SYN3: variants seen among roughly 807,000 people sequenced by gnomAD.
The protein encoded by SYN3 is synapsin III.
In SYN3, 35 loss-of-function variants were observed where a neutral mutation model predicts 65.8. The ratio of observed to expected loss-of-function variants is 0.53; its 90% CI spans 0.41 to 0.70. SYN3 has a LOEUF of 0.70. Ranked by LOEUF, SYN3 falls within the 30% of genes least tolerant of loss-of-function variation. The pLI, the probability that SYN3 is intolerant of heterozygous loss-of-function variation, is 0.00. For synonymous variants in SYN3, 270 were observed against 292.9 expected (o/e 0.92, Z 0.80); for missense variants, 680 against 749.0 (o/e 0.91, Z 1.08).
chr22:32,991,254 C>G (rs139427433), intron 2 of SYN3, among the ~76,000 whole-genome samples: 1 of 151,294 alleles, frequency 6.6e-6, no homozygotes, highest in Non-Finnish European at 1.5e-5. Context: ...AGGAGAATAG[C>G]TTGAACTCGG....
chr22:32,751,978 A>C (rs548998510), intron 6 of SYN3, among the ~76,000 whole-genome samples: 1 of 152,204 alleles, frequency 6.6e-6, no homozygotes, highest in Non-Finnish European at 1.5e-5. Flanking sequence ...TGCATACTAC[A>C]TATTCTCTAG....
intron 4 of SYN3, among the ~76,000 whole-genome samples, chr22:32,930,814 T>C (rs752402929): frequency 4.6e-5 from 7 of 152,340 alleles, no homozygotes; most frequent in Admixed American, 6.5e-5. Flanking sequence ...CTTGTCATTT[T>C]TGGCTTCTGA....
intron 8 of SYN3, 23 bp from the exon 9 acceptor site, chr22:32,538,133 T>C (rs771173979): frequency 6.2e-6 from 10 of 1,611,122 alleles, no homozygotes; most frequent in Non-Finnish European, 3.4e-6. Flanking sequence ...AAACAACACA[T>C]TGAGGGAATT....
chr22:32,866,007 G>A (rs902294278), intron 5 of SYN3, among the ~76,000 whole-genome samples: 7 of 152,200 alleles, frequency 4.6e-5, no homozygotes, highest in African/African-American at 1.4e-4. Context: ...TCAGTTGCAG[G>A]TGATGATGAG....
chr22:33,015,927 C>G (rs960831257), intron 1 of SYN3, among the ~76,000 whole-genome samples: 3 of 151,606 alleles, frequency 2.0e-5, no homozygotes, highest in Non-Finnish European at 4.4e-5. Context: ...CTGCAACCAC[C>G]ACCTCCTACG....
chr22:32,516,364 T>C (rs1305181027), intron 13 of SYN3, among the ~76,000 whole-genome samples: 1 of 151,662 alleles, frequency 6.6e-6, no homozygotes, highest in Non-Finnish European at 1.5e-5. Flanking sequence ...TATTTATTTA[T>C]TTATTTATTT....
intron 6 of SYN3, among the ~76,000 whole-genome samples, chr22:32,736,314 GT>G (rs1484691375): frequency 1.3e-5 from 2 of 152,140 alleles, no homozygotes; most frequent in Non-Finnish European, 2.9e-5. Flanking sequence ...GAGTAATTTT[GT>G]CTTTGCTAGA....
Position 32,645,626 on chromosome 22 carries a change from T to G in SYN3, c.712-48890A>C, listed in dbSNP as rs79412479. 5.9e-3 allele frequency among the ~76,000 whole-genome samples: 894 copies of G among 152,332 alleles called. 10 individuals carry two copies. The highest frequency in any genetic ancestry group is 0.02 in the African/African-American group (822 of 41,572). On this transcript the variant is annotated intron_variant, in intron 6 of 13. Coordinates refer to ENST00000358763, the MANE Select transcript of SYN3 (RefSeq NM_003490.4). The stretch of plus-strand genomic sequence containing the variant: ...AATTGGTAATTGTTTCCACCTGGTA[T>G]GTCCTTTCTCTTGAGACCCTTCTCC...
At chr22:32,912,401 GACA>G (rs35513322) in intron 4 of SYN3, among the ~76,000 whole-genome samples, 50,142 of 151,712 alleles carry the variant, frequency 0.33, 9,047 homozygotes, top group East Asian at 0.57. Flanking sequence ...CTGAAACTGA[GACA>G]ACAATTAAAG....
At chr22:32,906,597 A>G (rs137536) in intron 4 of SYN3, among the ~76,000 whole-genome samples, 149,341 of 152,190 alleles carry the variant, frequency 0.98, 73,282 homozygotes, top group East Asian at 1. Flanking sequence ...CTATCAACCC[A>G]TCACCTAGGT....
intron 6 of SYN3, among the ~76,000 whole-genome samples, chr22:32,842,481 G>C (rs1259435635): frequency 1.5e-4 from 23 of 152,158 alleles, no homozygotes; most frequent in Admixed American, 1.5e-3. Flanking sequence ...CAAGATCCTG[G>C]GGGGATGAGG....
chr22:32,807,397 A>ATATATATATTATATTTACATATATAT (rs1294303261), intron 6 of SYN3, among the ~76,000 whole-genome samples: 2 of 105,858 alleles, frequency 1.9e-5, no homozygotes, highest in South Asian at 5.9e-4. Flanking sequence ...TATATATAAT[A>ATATATATATTATATTTACATATATAT]TATATATATT....
intron 3 of SYN3, among the ~76,000 whole-genome samples, chr22:32,964,286 G>T (rs1427304127): frequency 1.5e-5 from 2 of 131,924 alleles, no homozygotes; most frequent in Non-Finnish European, 3.2e-5. Flanking sequence ...GTTGTGGGGT[G>T]GGGGGAGGGG....
At chr22:32,993,124 C>A (rs2052770141) in intron 2 of SYN3, among the ~76,000 whole-genome samples, 2 of 152,082 alleles carry the variant, frequency 1.3e-5, no homozygotes, top group African/African-American at 4.8e-5. Context: ...TATCCCGAGA[C>A]TGTTCCTGCC....
At chr22:32,919,752 G>A (rs949391646) in intron 4 of SYN3, among the ~76,000 whole-genome samples, 3 of 152,218 alleles carry the variant, frequency 2.0e-5, no homozygotes, top group African/African-American at 7.2e-5. Context: ...TGGGATGTTA[G>A]AGAAGTCCCA....
intron 6 of SYN3, among the ~76,000 whole-genome samples, chr22:32,615,709 T>A (rs1266110177): frequency 6.6e-6 from 1 of 152,140 alleles, no homozygotes; most frequent in Non-Finnish European, 1.5e-5. Flanking sequence ...CCCTAGTGTG[T>A]GAAACATCAC....
At chr22:32,727,540 T>C (rs1569177484) in intron 6 of SYN3, among the ~76,000 whole-genome samples, 1 of 152,220 alleles carries the variant, frequency 6.6e-6, no homozygotes, top group Non-Finnish European at 1.5e-5. Context: ...CAAATGGTAT[T>C]TCTGCCTCCA....
chr22:33,005,024 G>A (rs1405654283), intron 2 of SYN3, among the ~76,000 whole-genome samples: 1 of 152,056 alleles, frequency 6.6e-6, no homozygotes, highest in Admixed American at 6.6e-5. Context: ...GTTTTATAAG[G>A]GGCTTCCCCC....
At chr22:32,845,222 G>T (rs1163246905) in intron 6 of SYN3, among the ~76,000 whole-genome samples, 1 of 151,844 alleles carries the variant, frequency 6.6e-6, no homozygotes, top group Non-Finnish European at 1.5e-5. Flanking sequence ...TTTTGAGATG[G>T]AATCTCGCTC....
Sources: allele counts gnomAD v4.1 joint callset (sites outside exome capture counted in the v4.1 genomes callset), GRCh38; gene constraint gnomAD v4.1.1; transcripts MANE v1.5; gene names NCBI Gene and HGNC (gene_info 2026-07-23, HGNC 2026-07-21).